The following ARID4B variants were observed in gnomAD, a reference collection of about 807,000 sequenced individuals.
ARID4B encodes the protein AT-rich interaction domain 4B, also known as AT-rich interactive domain-containing protein 4B.
Under a neutral mutation model 147.5 loss-of-function variants are expected in ARID4B, and 26 were observed. That is an observed-to-expected ratio of 0.18 (90% confidence interval 0.13 to 0.24). The LOEUF is 0.24. Among genes scored for constraint, ARID4B ranks in the 10% least tolerant of loss-of-function variants. The probability of loss-of-function intolerance (pLI) is 1.00; values close to 1 mark genes in which losing one functional copy is unlikely to be tolerated. For missense variants in ARID4B, 1,179 were observed against 1,511.5 expected (o/e 0.78, Z 3.65); for synonymous variants, 512 against 507.9 (o/e 1.01, Z -0.11).
At chr1:235,323,428 G>A (rs973133587) in intron 2 of ARID4B, among the ~76,000 whole-genome samples, 2 of 151,856 alleles carry the variant, frequency 1.3e-5, no homozygotes, top group Non-Finnish European at 2.9e-5. Flanking sequence ...TTACTGCTAC[G>A]TAATAAAAGA....
At chr1:235,261,391 C>T (rs1388897496) in intron 2 of ARID4B, among the ~76,000 whole-genome samples, 1 of 152,056 alleles carries the variant, frequency 6.6e-6, no homozygotes, top group Non-Finnish European at 1.5e-5. Flanking sequence ...GGCTATGGTG[C>T]CATGCGCCTG....
At chr1:235,175,112 C>G in intron 22 of ARID4B, 72 bp downstream of exon 22, 1 of 1,422,470 alleles carries the variant, frequency 7.0e-7, no homozygotes, top group Non-Finnish European at 9.9e-7. Context: ...TCTCTAAAAA[C>G]AAAAACAAAA....
chr1:235,283,087 A>G (rs1671768603), intron 2 of ARID4B, among the ~76,000 whole-genome samples: 1 of 152,228 alleles, frequency 6.6e-6, no homozygotes, highest in Non-Finnish European at 1.5e-5. Flanking sequence ...ATACTACTTC[A>G]TTTTATAACA....
At chr1:235,192,838 GCTCACGC>G (rs1442986932) in intron 19 of ARID4B, among the ~76,000 whole-genome samples, 1 of 152,138 alleles carries the variant, frequency 6.6e-6, no homozygotes, top group Non-Finnish European at 1.5e-5. Flanking sequence ...AGGCGCGGTG[GCTCACGC>G]CTGTAATCCC....
chr1:235,232,190 C>T (rs562455073), intron 9 of ARID4B, among the ~76,000 whole-genome samples: 1 of 152,044 alleles, frequency 6.6e-6, no homozygotes, highest in Admixed American at 6.6e-5. Flanking sequence ...GAAGCTGAGG[C>T]GAGTGGATCA....
intron 6 of ARID4B, 121 bp from the exon 7 acceptor site, chr1:235,246,632 G>A: frequency 1.6e-6 from 1 of 638,066 alleles, no homozygotes; most frequent in Non-Finnish European, 2.7e-6. Context: ...CCCCAGGGAA[G>A]CTAAAACACA....
chr1:235,235,713 C>G (rs1668508327), intron 8 of ARID4B, among the ~76,000 whole-genome samples: 1 of 151,750 alleles, frequency 6.6e-6, no homozygotes, highest in South Asian at 2.1e-4. Flanking sequence ...AAGAGGAGAA[C>G]CTGGTGAAAA....
chr1:235,297,951 CAA>C (rs771644472), intron 2 of ARID4B, among the ~76,000 whole-genome samples: 2 of 152,134 alleles, frequency 1.3e-5, no homozygotes, highest in Non-Finnish European at 2.9e-5. Flanking sequence ...GAACAAATTG[CAA>C]AGACATTTTA....
At chr1:235,178,352 T>C (rs899707815) in intron 20 of ARID4B, among the ~76,000 whole-genome samples, 6 of 152,196 alleles carry the variant, frequency 3.9e-5, no homozygotes, top group Admixed American at 2.6e-4. Context: ...TTTTAAATGA[T>C]ATAAATGAGG....
chr1:235,240,445 C>T lies in ARID4B; in HGVS notation c.453G>A (p.Glu151=). The change falls in exon 8 of 24, where the codon GAG becomes GAA. Residue 151 remains glutamate, a synonymous_variant. Transcript: ENST00000264183. ...CACTGGAGGATGATGAAGACTCTTC[C>T]TCTGGTCTAGGGAGAGAAAAAAATA... ...NRGRRSNHIP[E]EESSSSSSDE... 4 of 1,613,048 alleles carry T rather than the reference C, an allele frequency of 2.5e-6. No homozygotes were observed. The highest frequency in any genetic ancestry group is 3.4e-6 in the Non-Finnish European group (4 of 1,179,392).
At chr1:235,200,244 A>C (rs1473926432) in intron 17 of ARID4B, among the ~76,000 whole-genome samples, 1 of 152,084 alleles carries the variant, frequency 6.6e-6, no homozygotes, top group Non-Finnish European at 1.5e-5. Flanking sequence ...GCAGATCATG[A>C]GGTCAGGAGT....
At chr1:235,280,876 A>G (rs1417400542) in intron 2 of ARID4B, among the ~76,000 whole-genome samples, 1 of 152,206 alleles carries the variant, frequency 6.6e-6, no homozygotes, top group Non-Finnish European at 1.5e-5. Flanking sequence ...TGACCCGAGC[A>G]CGTTTTTTGA....
At chr1:235,251,791 T>C (rs1669661932) in intron 6 of ARID4B, among the ~76,000 whole-genome samples, 2 of 152,256 alleles carry the variant, frequency 1.3e-5, no homozygotes, top group South Asian at 2.1e-4. Flanking sequence ...TGAATATCTG[T>C]AGACTGGATT....
chr1:235,306,799 G>A (rs1673600693), intron 2 of ARID4B, among the ~76,000 whole-genome samples: 1 of 151,946 alleles, frequency 6.6e-6, no homozygotes, highest in African/African-American at 2.4e-5. Flanking sequence ...GGGATTTCAG[G>A]TGTGCACCAC....
At chr1:235,277,549 A>AAAAAT (rs1553309720) in intron 2 of ARID4B, among the ~76,000 whole-genome samples, 1 of 144,046 alleles carries the variant, frequency 6.9e-6, no homozygotes, top group Non-Finnish European at 1.5e-5. Flanking sequence ...AAAAAAAAAA[A>AAAAAT]AATAATAATA....
At chr1:235,232,294 C>G (rs958728954) in intron 9 of ARID4B, among the ~76,000 whole-genome samples, 1 of 151,858 alleles carries the variant, frequency 6.6e-6, no homozygotes, top group African/African-American at 2.4e-5. Flanking sequence ...GTGGTGCATG[C>G]CTGTAGTCCC....
intron 10 of ARID4B, among the ~76,000 whole-genome samples, chr1:235,230,795 T>C (rs994899216): frequency 1.1e-4 from 17 of 151,392 alleles, no homozygotes; most frequent in African/African-American, 3.9e-4. Flanking sequence ...TGGCGGCGTG[T>C]GCCTGTAGTC....
intron 8 of ARID4B, among the ~76,000 whole-genome samples, chr1:235,239,538 T>C (rs1668846051): frequency 6.6e-6 from 1 of 152,192 alleles, no homozygotes; most frequent in Non-Finnish European, 1.5e-5. Flanking sequence ...TATGTTCCCT[T>C]TCTAAAAGTC....
rs1169543145 is a variant in ARID4B, at chr1:235,172,734, C to T, written c.3695G>A (p.Arg1232His). 1.3e-6 allele frequency: 2 copies of T among 1,578,192 alleles called. No individual in the cohort carries two copies. The highest frequency in any genetic ancestry group is 1.7e-6 in the Non-Finnish European group (2 of 1,167,988). ...SDLENMTSAE[R>H]ITILQEKLQE... Reference sequence around the variant, plus strand: ...AAGTTTTTCTTGAAGAATTGTGATGCGTTCGGCACTTGTCATATTTTCCAG... The same window carrying T: ...AAGTTTTTCTTGAAGAATTGTGATGTGTTCGGCACTTGTCATATTTTCCAG... Residue 1232 changes from arginine to histidine, a missense_variant, in exon 23 of 24, where the codon CGC (arginine) becomes CAC (histidine). By Grantham distance (29) the Arg-to-His change is conservative. Around this residue, in one of 10 missense-constraint regions of ARID4B, gnomAD observed 357 missense variants for 427.3 expected, o/e 0.84. Transcript: ENST00000264183.
Sources: gnomAD v4.1 joint callset for allele counts (sites outside exome capture counted in the v4.1 genomes callset) on GRCh38, gnomAD v4.1.1 for gene constraint, gnomAD v4.1.1 regional missense constraint, MANE v1.5 for transcripts, NCBI Gene and HGNC (gene_info 2026-07-23, HGNC 2026-07-21) for gene names.